IFNA4: variants seen among roughly 807,000 people sequenced by gnomAD.
The protein encoded by IFNA4 is interferon alpha-4.
For missense variants in IFNA4, 225 were observed against 214.9 expected (o/e 1.05, Z -0.29); for synonymous variants, 84 against 86.0 (o/e 0.98, Z 0.13).
At chr9:21,186,997 T>C (rs1011897088) in exon 1 of IFNA4, 2 of 1,614,158 alleles carry the variant, frequency 1.2e-6, no homozygotes, top group Non-Finnish European at 8.5e-7. Flanking sequence ...TGCAAGTTTG[T>C]TGAAAACGAG....
rs1460247531 is a variant in IFNA4, at chr9:21,187,516, A to G, written c.16T>C (p.Ser6Pro). ...AGCACCAGCACGGCCATCAGTAAAG[A>G]AAAGGACAGGGCCATTGGGATGTTG... Residue 6 changes from serine to proline, a missense_variant, in exon 1 of 1, where the codon TCT becomes CCT. Transcript: ENST00000421715. The G allele has an allele frequency of 1.9e-6, 3 of 1,609,608 alleles. No homozygotes were observed. In the East Asian group the frequency reaches 6.7e-5, roughly 36 times the overall value.
At chr9:21,186,816 C>G (rs1563804439) in exon 1 of IFNA4, 4 of 1,345,870 alleles carry the variant, frequency 3.0e-6, no homozygotes, top group Non-Finnish European at 4.1e-6. Flanking sequence ...AGGTATACAC[C>G]AAGCTTCTTC....
exon 1 of IFNA4, chr9:21,187,483 T>C: frequency 6.2e-7 from 1 of 1,613,648 alleles, no homozygotes; most frequent in Non-Finnish European, 8.5e-7. Flanking sequence ...CAGATGGATT[T>C]GTAGCTGAGC....
At chr9:21,187,459 C>T in exon 1 of IFNA4, 1 of 1,614,156 alleles carries the variant, frequency 6.2e-7, no homozygotes, top group South Asian at 1.1e-5. Flanking sequence ...TGAGGCAGAT[C>T]ACAGCCCAGA....
At chr9:21,187,313 C>G in exon 1 of IFNA4, 4 of 1,614,002 alleles carry the variant, frequency 2.5e-6, no homozygotes, top group Non-Finnish European at 3.4e-6. Flanking sequence ...TGGCTTGAGC[C>G]TTCTGGAACT....
In IFNA4 at chr9:21,187,047, C is replaced by G. The variant is rs141139344; in HGVS notation, c.485G>C (p.Cys162Ser). The G allele has an allele frequency of 2.7e-4, 430 of 1,614,148 alleles. No homozygotes were observed. The African/African-American group carries it at 5.1e-3, about 19-fold the overall frequency. Residue 162 changes from cysteine to serine, a missense_variant, in exon 1 of 1, where the codon TGT becomes TCT. By Grantham distance (112) the Cys-to-Ser change is moderately radical. Coordinates refer to ENST00000421715, the Ensembl canonical transcript of IFNA4. ...TTCTGCTCTGACAACCTCCCAGGCA[C>G]AAGGGCTGTATTTCTTCTCTGTTAG...
In IFNA4 at chr9:21,187,552, T is replaced by G. The variant is rs369103188; in HGVS notation, c.-21A>C. On this transcript the variant is annotated 5_prime_UTR_variant, in exon 1 of 1. Transcript: ENST00000421715. ...GCCATTGGGATGTTGCAAATATTGC[T>G]AGGCTACTTGAGATGGATAACCTTG... is the stretch of plus-strand genomic sequence containing the variant. The G allele has an allele frequency of 8.6e-5, 137 of 1,590,518 alleles. 1 individual carries two copies. The highest frequency in any genetic ancestry group is 7.2e-4 in the East Asian group (32 of 44,690).
At chr9:21,186,895 G>A in exon 1 of IFNA4, 1 of 1,593,290 alleles carries the variant, frequency 6.3e-7, no homozygotes, top group Non-Finnish European at 8.5e-7. Flanking sequence ...CTTTGAAATG[G>A]AAGAACTCAT....
At chr9:21,186,782 T>C (rs1023529082) in exon 1 of IFNA4, 6 of 733,010 alleles carry the variant, frequency 8.2e-6, no homozygotes, top group African/African-American at 7.2e-5. Flanking sequence ...AGCATTGTCA[T>C]CTGTAAAGGA....
In IFNA4 at chr9:21,186,980, T is replaced by C. The variant is rs764751579; in HGVS notation, c.552A>G (p.Arg184=). Reference sequence around the variant, plus strand: ...CCAGGTTTCAATCCTTCCTCCTTAATCTTTTTTGCAAGTTTGTTGAAAACG... The same window carrying C: ...CCAGGTTTCAATCCTTCCTCCTTAACCTTTTTTGCAAGTTTGTTGAAAACG... Residue 184 remains arginine, a synonymous_variant, in exon 1 of 1, where the codon AGA becomes AGG. Coordinates refer to ENST00000421715, the Ensembl canonical transcript of IFNA4. The C allele has an allele frequency of 1.5e-5, 25 of 1,614,108 alleles. No homozygotes were observed. In the Middle Eastern group the frequency reaches 5.0e-4, roughly 32 times the overall value.
chr9:21,187,070 T>C lies in IFNA4; in HGVS notation c.462A>G (p.Leu154=), dbSNP rs964014757. Residue 154 remains leucine (L), a synonymous_variant, in exon 1 of 1, where the codon CTA becomes CTG. Transcript: ENST00000421715. ...CACAAGGGCTGTATTTCTTCTCTGTTAGATAAAGAGTGATTCTTTGGAAGT... is the reference window on the plus strand; with the variant it reads ...CACAAGGGCTGTATTTCTTCTCTGTCAGATAAAGAGTGATTCTTTGGAAGT... 2.7e-5 allele frequency: 43 copies of C among 1,613,950 alleles called. No individual in the cohort carries two copies. The African/African-American group carries it at 2.7e-4, about 10-fold the overall frequency.
At chr9:21,187,406 T>G (rs1817923992) in exon 1 of IFNA4, 10 of 1,614,068 alleles carry the variant, frequency 6.2e-6, no homozygotes, top group Non-Finnish European at 8.5e-6. Context: ...TTCCCATTTG[T>G]GCCAGGAGTA....
chr9:21,187,513 A>G (rs570416854), exon 1 of IFNA4: 1 of 1,610,724 alleles, frequency 6.2e-7, no homozygotes, highest in African/African-American at 1.3e-5. Context: ...GCCATCAGTA[A>G]AGAAAAGGAC....
chr9:21,187,016 C>G, exon 1 of IFNA4: 1 of 1,614,116 alleles, frequency 6.2e-7, no homozygotes, highest in Non-Finnish European at 8.5e-7. Context: ...AGAGGGATCT[C>G]ATGATTTCTG....
At chr9:21,187,223 G>A (rs752852525) in exon 1 of IFNA4, 5 of 1,612,576 alleles carry the variant, frequency 3.1e-6, no homozygotes, top group East Asian at 4.5e-5. Flanking sequence ...TTTCTAGGAG[G>A]CTCTGTTCCC....
exon 1 of IFNA4, chr9:21,187,204 T>C (rs761158987): frequency 3.7e-6 from 6 of 1,612,708 alleles, no homozygotes; most frequent in African/African-American, 2.7e-5. Flanking sequence ...TAAAGTTCAG[T>C]GGAAAATTTT....
chr9:21,186,790 G>C (rs1318830743), exon 1 of IFNA4: 2 of 886,634 alleles, frequency 2.3e-6, no homozygotes, highest in Non-Finnish European at 3.5e-6. Flanking sequence ...CATCTGTAAA[G>C]GACTAGTGCC....
At chr9:21,186,761 A>T (rs530824443) in exon 1 of IFNA4, 26 of 497,148 alleles carry the variant, frequency 5.2e-5, no homozygotes, top group Middle Eastern at 1.1e-3. Context: ...AAATAGATGA[A>T]CAGAGACATC....
At chr9:21,187,561 T>G in exon 1 of IFNA4, 4 of 1,581,330 alleles carry the variant, frequency 2.5e-6, no homozygotes, top group East Asian at 4.5e-5. Flanking sequence ...CTAGGCTACT[T>G]GAGATGGATA....
Sources: allele counts gnomAD v4.1 joint callset, GRCh38; gene constraint gnomAD v4.1.1; transcripts MANE v1.5; gene names NCBI Gene and HGNC (gene_info 2026-07-23, HGNC 2026-07-21).